CLMN: variants seen among roughly 807,000 people sequenced by gnomAD.
The protein encoded by CLMN is calmin (calponin-like, transmembrane).
Under a neutral mutation model 92.7 loss-of-function variants are expected in CLMN, and 57 were observed. The ratio of observed to expected loss-of-function variants is 0.61; its 90% CI spans 0.50 to 0.77. CLMN has a LOEUF of 0.77. CLMN is among the 30% of genes least tolerant of loss of function. CLMN has a pLI of 0.00. For missense variants in CLMN, 1,158 were observed against 1,237.5 expected (o/e 0.94, Z 0.96); for synonymous variants, 466 against 470.6 (o/e 0.99, Z 0.13).
chr14:95,209,994 T>C (rs1205168938), intron 7 of CLMN, among the ~76,000 whole-genome samples: 3 of 152,212 alleles, frequency 2.0e-5, no homozygotes, highest in Non-Finnish European at 4.4e-5. Flanking sequence ...GGTGTTGTTA[T>C]ATCTAAAAGG....
At chr14:95,271,817 T>G (rs1414840053) in intron 1 of CLMN, among the ~76,000 whole-genome samples, 2 of 152,248 alleles carry the variant, frequency 1.3e-5, no homozygotes, top group Admixed American at 6.5e-5. Context: ...CCAGTCTGTC[T>G]CCACTCCGTG....
At chr14:95,202,474 C>T (rs903745590) in intron 9 of CLMN, among the ~76,000 whole-genome samples, 2 of 152,164 alleles carry the variant, frequency 1.3e-5, no homozygotes, top group African/African-American at 4.8e-5. Flanking sequence ...TAGTATGCAA[C>T]GGTTAGTTTT....
chr14:95,185,841 G>A lies in CLMN; in HGVS notation c.*5723C>T, dbSNP rs1896427944. ...TCCTTCTGGAGAGTTAAGAAAATCG[G>A]AGCTCATGTGAAAGCATTCTTGTCA... On this transcript the variant is annotated 3_prime_UTR_variant, in exon 13 of 13. Coordinates refer to ENST00000298912, the MANE Select transcript of CLMN (RefSeq NM_024734.4). 1 of 152,204 alleles carries A rather than the reference G, an allele frequency of 6.6e-6. No homozygotes were observed. 9.4% of individuals were successfully genotyped at this position (152,204 alleles called of 1,614,324 possible).
intron 1 of CLMN, among the ~76,000 whole-genome samples, chr14:95,235,934 C>T (rs932572920): frequency 1.6e-4 from 25 of 152,178 alleles, no homozygotes; most frequent in African/African-American, 5.8e-4. Flanking sequence ...GATGGGTGAG[C>T]TGCAGCACAG....
chr14:95,258,051 T>C (rs1899074583), intron 1 of CLMN, among the ~76,000 whole-genome samples: 1 of 151,150 alleles, frequency 6.6e-6, no homozygotes, highest in Admixed American at 6.6e-5. Flanking sequence ...GTGTGCAGAA[T>C]AGGTGGTATG....
At chr14:95,258,303 A>G (rs866156271) in intron 1 of CLMN, among the ~76,000 whole-genome samples, 45 of 129,218 alleles carry the variant, frequency 3.5e-4, no homozygotes, top group African/African-American at 9.8e-4. Context: ...TGTGTGGTGT[A>G]TGTGTGTGTG....
chr14:95,244,869 T>G (rs1486895488), intron 1 of CLMN, among the ~76,000 whole-genome samples: 4 of 151,630 alleles, frequency 2.6e-5, no homozygotes, highest in Admixed American at 2.6e-4. Context: ...TATTCAGGAT[T>G]TCCCCTTTGG....
intron 9 of CLMN, among the ~76,000 whole-genome samples, chr14:95,202,629 T>G (rs1186654587): frequency 6.6e-6 from 1 of 152,238 alleles, no homozygotes; most frequent in Non-Finnish European, 1.5e-5. Flanking sequence ...GGTGCCCGTG[T>G]GCAGGATTTC....
In CLMN at chr14:95,231,187, C is replaced by T. The variant is rs569347759; in HGVS notation, c.83-1054G>A. Reference sequence around the variant, plus strand: ...GTCAGATCAACAGAGGCATTAAATCCTCTAACTTTTTTTTTTTTTTTTTTT... The same window carrying T: ...GTCAGATCAACAGAGGCATTAAATCTTCTAACTTTTTTTTTTTTTTTTTTT... On this transcript the variant is annotated intron_variant, in intron 1 of 12. Coordinates refer to ENST00000298912, the MANE Select transcript of CLMN (RefSeq NM_024734.4). Among the ~76,000 whole-genome samples, 7 of 151,648 alleles carry T rather than the reference C, an allele frequency of 4.6e-5. No homozygotes were observed. In the South Asian group the frequency reaches 1.0e-3, roughly 23 times the overall value.
At chr14:95,205,759 G>A (rs1429510868) in intron 8 of CLMN, among the ~76,000 whole-genome samples, 1 of 152,092 alleles carries the variant, frequency 6.6e-6, no homozygotes, top group Non-Finnish European at 1.5e-5. Flanking sequence ...GTAAGCTGAT[G>A]TATGTTAAAG....
intron 6 of CLMN, 53 bp downstream of exon 6, chr14:95,213,166 C>A: frequency 6.4e-7 from 1 of 1,565,480 alleles, no homozygotes; most frequent in Non-Finnish European, 8.7e-7. Flanking sequence ...CTTTCCTCTG[C>A]CTGAAAGCAG....
At chr14:95,245,243 TATATATATATA>T (rs1898483115) in intron 1 of CLMN, among the ~76,000 whole-genome samples, 4 of 33,964 alleles carry the variant, frequency 1.2e-4, no homozygotes, top group Admixed American at 4.4e-4. Flanking sequence ...ATATATTATA[TATATATATATA>T]ATATATATAT....
Position 95,226,126 on chromosome 14 carries a change from A to G in CLMN, c.145-2271T>C, listed in dbSNP as rs953534458. ...TTACTGGCCTGTACAGTCACCCCTC[A>G]GTATCTATATGGGATCGGTTCCAGG... On this transcript the variant is annotated intron_variant, in intron 2 of 12. Transcript: ENST00000298912. Among the ~76,000 whole-genome samples, 9 of 152,190 alleles carry G rather than the reference A, an allele frequency of 5.9e-5. 1 individual carries two copies. Among genetic ancestry groups the G allele is most frequent in the Non-Finnish European group, 1.2e-4 (8 of 68,030 alleles).
At position 95,182,110 on chromosome 14, in the gene CLMN, T is replaced by C. The variant is rs1179664909; in HGVS notation, c.*9454A>G. ...ATTCAAATAGCCATTTATATCTTAA[T>C]TTACAGTAATCAATAAATAAGACGG... On this transcript the variant is annotated 3_prime_UTR_variant, in exon 13 of 13. Coordinates refer to ENST00000298912, the MANE Select transcript of CLMN (RefSeq NM_024734.4). The C allele has an allele frequency of 1.3e-5, 2 of 152,226 alleles. No homozygotes were observed. Among genetic ancestry groups the C allele is most frequent in the African/African-American group, 4.8e-5 (2 of 41,452 alleles). The allele number at this position is 152,226 out of a possible 1,614,324, so 9.4% of individuals were successfully genotyped here. A position where few individuals can be genotyped will look rare whatever the true frequency, so the allele number is the denominator to read the frequency against.
rs1157582781 is a variant in CLMN at position 95,194,003 on chromosome 14, A to C, written c.2770-84T>G. On this transcript the variant is annotated intron_variant, in intron 11 of 12. Coordinates refer to ENST00000298912, the MANE Select transcript of CLMN (RefSeq NM_024734.4). This position sits in a 1 kb window ranked among gnomAD's most constrained non-coding sequence, Gnocchi z 4.0. ...TGAAACAGAAGATAAAACGATTTTA[A>C]ACACACAAAGCCGAGCATGCCGGGC... 8.2e-6 allele frequency: 13 copies of C among 1,576,962 alleles called. No homozygotes were observed. Among genetic ancestry groups the C allele is most frequent in the Admixed American group, 3.8e-5 (2 of 52,992 alleles).
intron 1 of CLMN, among the ~76,000 whole-genome samples, chr14:95,276,875 G>A (rs770308303): frequency 6.6e-6 from 1 of 152,082 alleles, no homozygotes; most frequent in Non-Finnish European, 1.5e-5. Flanking sequence ...GTTCCTCCAC[G>A]CAACCCCTGG....
chr14:95,201,642 A>G (rs1042503903), intron 9 of CLMN, among the ~76,000 whole-genome samples: 34 of 150,900 alleles, frequency 2.3e-4, no homozygotes, highest in Non-Finnish European at 2.9e-5. Flanking sequence ...ATAGAAATAC[A>G]AGTGTCATGG....
At chr14:95,200,343 C>T (rs749296676) in intron 9 of CLMN, among the ~76,000 whole-genome samples, 1 of 152,174 alleles carries the variant, frequency 6.6e-6, no homozygotes, top group Non-Finnish European at 1.5e-5. Flanking sequence ...CATTAGACAC[C>T]GAAGGCAGGA....
intron 1 of CLMN, among the ~76,000 whole-genome samples, chr14:95,245,277 T>C (rs1248421410): frequency 1.4e-5 from 1 of 73,368 alleles, no homozygotes; most frequent in Non-Finnish European, 2.4e-5. Context: ...ATATTATATA[T>C]ATATAGTTTT....
Sources: allele counts gnomAD v4.1 joint callset (sites outside exome capture counted in the v4.1 genomes callset), GRCh38; gene constraint gnomAD v4.1.1; non-coding constraint Gnocchi (gnomAD v3.1); transcripts MANE v1.5; gene names NCBI Gene and HGNC (gene_info 2026-07-23, HGNC 2026-07-21).